Variants in PHF19 observed in about 807,000 individuals in gnomAD.
PHF19 encodes PHD finger protein 19.
In PHF19, 21 loss-of-function variants were observed where a neutral mutation model predicts 79.8. The observed-to-expected ratio is 0.26, with a 90% CI of 0.19 to 0.38. PHF19 has a LOEUF of 0.38. Among genes scored for constraint, PHF19 ranks in the 10% least tolerant of loss-of-function variants. PHF19 has a pLI of 1.00. For synonymous variants in PHF19, 273 were observed against 296.3 expected (o/e 0.92, Z 0.81); for missense variants, 445 against 744.2 (o/e 0.60, Z 4.68).
At chr9:120,880,026 G>A (rs934315048), upstream of PHF19, among the ~76,000 whole-genome samples, 1 of 152,118 alleles carries the variant, frequency 6.6e-6, no homozygotes, top group Non-Finnish European at 1.5e-5. Flanking sequence ...TGAGGATGTC[G>A]CACAGTTGGG....
Position 120,869,135 on chromosome 9 carries a change from T to C in PHF19, c.614+47A>G, listed in dbSNP as rs758584974. The C allele has an allele frequency of 6.4e-7, 1 of 1,564,442 alleles. No individual in the cohort carries two copies. The highest frequency in any genetic ancestry group is 8.6e-7 in the Non-Finnish European group (1 of 1,156,078). ...TATGGGCGGTCCCTGCTGGCGATTC[T>C]TGGAGACCTGCCCTGCCGCCCGGGG... is the stretch of plus-strand genomic sequence containing the variant. On this transcript the variant is annotated intron_variant, in intron 6 of 14. Transcript: ENST00000373896. This position sits in a 1 kb window ranked among gnomAD's most constrained non-coding sequence, Gnocchi z 5.8.
chr9:120,866,027 C>A lies in PHF19; in HGVS notation c.779+1G>T. On this transcript the variant is annotated splice_donor_variant, in intron 8 of 14. Coordinates refer to ENST00000373896, the MANE Select transcript of PHF19 (RefSeq NM_015651.3). LOFTEE classifies it high-confidence loss of function. The surrounding 1 kb of genome is among the most constrained non-coding windows in gnomAD (Gnocchi z 5.2). ...GGTTGGACTAAGCCCCACCCTCTCACCATCGCAGGGGCAGCCTCTCGATGT... is the reference window on the plus strand; with the variant it reads ...GGTTGGACTAAGCCCCACCCTCTCAACATCGCAGGGGCAGCCTCTCGATGT... 6.2e-7 allele frequency: 1 copy of A among 1,611,844 alleles called. No individual in the cohort carries two copies. The highest frequency in any genetic ancestry group is 8.5e-7 in the Non-Finnish European group (1 of 1,178,060).
At chr9:120,887,725 G>A (rs1040086778) in intron 1 of PHF19, among the ~76,000 whole-genome samples, 1 of 151,592 alleles carries the variant, frequency 6.6e-6, no homozygotes, top group African/African-American at 2.4e-5. Flanking sequence ...TTGGCTTTAC[G>A]ATGGTGCAAA....
intron 1 of PHF19, among the ~76,000 whole-genome samples, chr9:120,882,893 A>G (rs970842845): frequency 2.0e-5 from 3 of 151,796 alleles, no homozygotes; most frequent in Admixed American, 1.3e-4. Context: ...GAGGCTTTTC[A>G]CAAATATGAA....
chr9:120,876,328 G>GGGGCC (rs1456977476), intron 1 of PHF19: 1 of 152,230 alleles, frequency 6.6e-6, no homozygotes, highest in African/African-American at 2.4e-5. Flanking sequence ...CGCCCGGCCA[G>GGGGCC]GGGCCAGGCC....
intron 1 of PHF19, 169 bp downstream of exon 1, chr9:120,876,922 G>A (rs2131572552): frequency 1.0e-6 from 1 of 957,986 alleles, no homozygotes; most frequent in East Asian, 1.2e-4. Flanking sequence ...CCTCTGCCCC[G>A]CAGGTAACCT....
Position 120,890,953 on chromosome 9 carries a change from C to T in PHF19, c.42+3835G>A, listed in dbSNP as rs113223448. Among the ~76,000 whole-genome samples the T allele has an allele frequency of 7.7e-3, 1,165 of 152,278 alleles. 17 individuals carry two copies. The highest frequency in any genetic ancestry group is 0.026 in the African/African-American group (1,100 of 41,546). On this transcript the variant is annotated intron_variant, in intron 1 of 14. Transcript: ENST00000616568. ...TAGCCTCTTCTCCTACTCTCCACCC[C>T]CACCCTTTAACCCAGGTGCGACAAA...
At chr9:120,861,884 A>G (rs1374251613) in intron 12 of PHF19, 34 bp downstream of exon 12, 1 of 1,448,776 alleles carries the variant, frequency 6.9e-7, no homozygotes. Context: ...GACCCTGCGT[A>G]TGAAAATGGA....
In PHF19 at chr9:120,869,124, GCTGGCGA is replaced by G. The variant is rs1427184387; in HGVS notation, c.614+51_614+57del. ...GGCTCGCTCCCTATGGGCGGTCCCT[GCTGGCGA>G]TTCTTGGAGACCTGCCCTGCCGCCC... is the stretch of plus-strand genomic sequence containing the variant. On this transcript the variant is annotated intron_variant, in intron 6 of 14. Coordinates refer to ENST00000373896, the MANE Select transcript of PHF19 (RefSeq NM_015651.3). This position sits in a 1 kb window ranked among gnomAD's most constrained non-coding sequence, Gnocchi z 5.8. The G allele has an allele frequency of 3.3e-4, 506 of 1,535,760 alleles. 3 individuals carry two copies. In the East Asian group the frequency reaches 9.7e-3, roughly 30 times the overall value.
At chr9:120,884,168 A>G (rs532943785) in intron 1 of PHF19, among the ~76,000 whole-genome samples, 1 of 152,246 alleles carries the variant, frequency 6.6e-6, no homozygotes, top group Non-Finnish European at 1.5e-5. Context: ...TTAGGTCTAC[A>G]TACTACATTC....
chr9:120,860,038 G>T lies in PHF19; in HGVS notation c.1400+52C>A. 1 of 907,062 alleles carries T rather than the reference G, an allele frequency of 1.1e-6. No individual in the cohort carries two copies. The highest frequency in any genetic ancestry group is 1.8e-6 in the Non-Finnish European group (1 of 557,738). The allele number at this position is 907,062 out of a possible 1,614,324, so 56.2% of individuals were successfully genotyped here. A position where few individuals can be genotyped will look rare whatever the true frequency, so the allele number is the denominator to read the frequency against. ...CAGAAGTGGGAGGTGGAGGGGCTGAGAGGAATGATGGTCCTTGCAAAATGT... is the reference window on the plus strand; with the variant it reads ...CAGAAGTGGGAGGTGGAGGGGCTGATAGGAATGATGGTCCTTGCAAAATGT... On this transcript the variant is annotated intron_variant, in intron 14 of 14. Transcript: ENST00000373896. The surrounding 1 kb of genome is among the most constrained non-coding windows in gnomAD (Gnocchi z 4.1).
chr9:120,878,899 G>C (rs113768308), upstream of PHF19, among the ~76,000 whole-genome samples: 2 of 152,310 alleles, frequency 1.3e-5, no homozygotes, highest in African/African-American at 2.4e-5. Flanking sequence ...CGCGGGTAGG[G>C]CTGATGATGG....
At chr9:120,893,474 G>A (rs940195038) in intron 1 of PHF19, among the ~76,000 whole-genome samples, 3 of 152,184 alleles carry the variant, frequency 2.0e-5, no homozygotes, top group Admixed American at 2.0e-4. Context: ...TGTCCTGTCT[G>A]CCCCCGTCAT....
chr9:120,876,679 G>C (rs996392259), intron 1 of PHF19, among the ~76,000 whole-genome samples: 1 of 151,354 alleles, frequency 6.6e-6, no homozygotes, highest in Middle Eastern at 3.4e-3. Context: ...ATGTTCAGGA[G>C]GGGGGAAAAA....
chr9:120,886,740 T>C (rs2046268951), intron 1 of PHF19, among the ~76,000 whole-genome samples: 2 of 152,230 alleles, frequency 1.3e-5, no homozygotes, highest in Non-Finnish European at 2.9e-5. Context: ...GTCAATTTTA[T>C]ATGTCCACAT....
Position 120,860,034 on chromosome 9 carries a change from C to T in PHF19, c.1400+56G>A. 3.4e-6 allele frequency: 3 copies of T among 876,198 alleles called. No individual in the cohort carries two copies. The South Asian group carries it at 4.3e-5, about 12-fold the overall frequency. The allele number at this position is 876,198 out of a possible 1,614,324, so 54.3% of individuals were successfully genotyped here. A position where few individuals can be genotyped will look rare whatever the true frequency, so the allele number is the denominator to read the frequency against. Reference sequence around the variant, plus strand: ...ATTACAGAAGTGGGAGGTGGAGGGGCTGAGAGGAATGATGGTCCTTGCAAA... The same window carrying T: ...ATTACAGAAGTGGGAGGTGGAGGGGTTGAGAGGAATGATGGTCCTTGCAAA... On this transcript the variant is annotated intron_variant, in intron 14 of 14. Transcript: ENST00000373896. This position sits in a 1 kb window ranked among gnomAD's most constrained non-coding sequence, Gnocchi z 4.1.
At chr9:120,888,122 G>A (rs1418562328) in intron 1 of PHF19, among the ~76,000 whole-genome samples, 1 of 152,148 alleles carries the variant, frequency 6.6e-6, no homozygotes, top group Non-Finnish European at 1.5e-5. Flanking sequence ...ACAGGCATGC[G>A]CCACCACTCC....
intron 1 of PHF19, among the ~76,000 whole-genome samples, chr9:120,887,625 C>A (rs917334424): frequency 5.2e-4 from 40 of 77,082 alleles, no homozygotes; most frequent in African/African-American, 1.4e-3. Context: ...TGAACAAACA[C>A]ACACACACAC....
the PHF19 span, among the ~76,000 whole-genome samples, chr9:120,900,011 G>A: frequency 1.2e-4 from 19 of 152,300 alleles, no homozygotes; most frequent in Admixed American, 9.2e-4. Flanking sequence ...TTTTGAGACA[G>A]AGTCTTGCTC....
Sources: allele counts gnomAD v4.1 joint callset (sites outside exome capture counted in the v4.1 genomes callset), GRCh38; gene constraint gnomAD v4.1.1; non-coding constraint Gnocchi (gnomAD v3.1); transcripts MANE v1.5; gene names NCBI Gene and HGNC (gene_info 2026-07-23, HGNC 2026-07-21).